Variants in VPS13B observed in about 807,000 individuals in gnomAD.
VPS13B encodes intermembrane lipid transfer protein VPS13B.
Under a neutral mutation model 426.4 loss-of-function variants are expected in VPS13B, and 285 were observed. The observed-to-expected ratio is 0.67, with a 90% CI of 0.61 to 0.74. The LOEUF (loss-of-function observed/expected upper bound fraction) is 0.74, where lower values mean the gene tolerates loss of function less well. Ranked by LOEUF, VPS13B falls within the 30% of genes least tolerant of loss-of-function variation. The pLI is 0.00. For synonymous variants in VPS13B, 1,676 were observed against 1,676.4 expected (o/e 1.00, Z 0.01); for missense variants, 4,537 against 4,782.6 (o/e 0.95, Z 1.51).
chr8:99,838,235 C>T (rs1200712633), intron 54 of VPS13B, among the ~76,000 whole-genome samples: 1 of 152,168 alleles, frequency 6.6e-6, no homozygotes, highest in Non-Finnish European at 1.5e-5. Context: ...ACCTGGTGCT[C>T]ATACCCATGA....
Position 99,076,612 on chromosome 8 carries a change from CT to C in VPS13B, c.292-19685del, listed in dbSNP as rs71273161. On this transcript the variant is annotated intron_variant, in intron 3 of 61. Coordinates refer to ENST00000357162, the MANE Select transcript of VPS13B (RefSeq NM_152564.5). Reference sequence around the variant, plus strand: ...ATCCTTTTATAATTAATGACTTTGTCTTTTTTTTTTTTTTTACAGTTTTTCA... The same window carrying C: ...ATCCTTTTATAATTAATGACTTTGTCTTTTTTTTTTTTTTACAGTTTTTCA... 1.2e-3 allele frequency among the ~76,000 whole-genome samples: 171 copies of C among 139,710 alleles called. 2 individuals carry two copies. In the East Asian group the frequency reaches 0.013, roughly 11 times the overall value. 91.7% of individuals were successfully genotyped at this position (139,710 alleles called of 152,430 possible).
At chr8:99,260,954 A>T (rs1427736143) in intron 17 of VPS13B, among the ~76,000 whole-genome samples, 2 of 152,054 alleles carry the variant, frequency 1.3e-5, no homozygotes, top group African/African-American at 4.8e-5. Flanking sequence ...TTTAAAAAAA[A>T]ACTTAATTTT....
intron 6 of VPS13B, among the ~76,000 whole-genome samples, chr8:99,112,908 CATAA>C (rs1448724194): frequency 1.3e-5 from 2 of 152,110 alleles, no homozygotes; most frequent in African/African-American, 2.4e-5. Context: ...AGTCCCTTAT[CATAA>C]ATAAACTTGT....
intron 19 of VPS13B, among the ~76,000 whole-genome samples, chr8:99,276,268 G>A (rs1818890330): frequency 6.6e-6 from 1 of 152,096 alleles, no homozygotes; most frequent in Admixed American, 6.6e-5. Flanking sequence ...CTGGAAATTA[G>A]TATTTGAAAG....
chr8:99,715,570 A>T (rs1005668574), intron 36 of VPS13B, among the ~76,000 whole-genome samples: 1 of 152,230 alleles, frequency 6.6e-6, no homozygotes, highest in Non-Finnish European at 1.5e-5. Context: ...ACCATTAAAT[A>T]AGATAAGCAA....
intron 17 of VPS13B, among the ~76,000 whole-genome samples, chr8:99,270,131 CTTTTTTTTTTTTTT>C (rs71273170): frequency 3.3e-5 from 1 of 30,312 alleles, no homozygotes; most frequent in East Asian, 1.2e-3. Context: ...ATATAAGAAT[CTTTTTTTTTTTTTT>C]TTTTTTTTTT....
chr8:99,041,865 A>AG (rs1171106731), intron 3 of VPS13B, among the ~76,000 whole-genome samples: 1 of 152,046 alleles, frequency 6.6e-6, no homozygotes, highest in Non-Finnish European at 1.5e-5. Context: ...AAAAAAAAAA[A>AG]AAAACTTCTT....
At chr8:99,471,126 C>T (rs989236784) in intron 24 of VPS13B, among the ~76,000 whole-genome samples, 6 of 151,986 alleles carry the variant, frequency 3.9e-5, no homozygotes, top group African/African-American at 1.2e-4. Flanking sequence ...TCACCAGCTG[C>T]TCTATTCTAC....
chr8:99,113,370 T>A lies in VPS13B; in HGVS notation c.762+2091T>A, dbSNP rs190727690. On this transcript the variant is annotated intron_variant, in intron 6 of 61. Coordinates refer to ENST00000357162, the MANE Select transcript of VPS13B (RefSeq NM_152564.5). The stretch of plus-strand genomic sequence containing the variant: ...CTCTTGTCTAGGCCTCCCAAAGTGC[T>A]GGGATTCCTGGCATGAGCCACCATG... Among the ~76,000 whole-genome samples, 431 of 152,304 alleles carry A rather than the reference T, an allele frequency of 2.8e-3. 1 individual carries two copies. The highest frequency in any genetic ancestry group is 9.8e-3 in the African/African-American group (409 of 41,560).
chr8:99,199,428 C>G (rs949632004), intron 17 of VPS13B, among the ~76,000 whole-genome samples: 1 of 152,150 alleles, frequency 6.6e-6, no homozygotes, highest in Non-Finnish European at 1.5e-5. Flanking sequence ...GCCTCGGCCT[C>G]CCAAAGTGCT....
chr8:99,057,281 G>A (rs1455891925), intron 3 of VPS13B, among the ~76,000 whole-genome samples: 5 of 151,748 alleles, frequency 3.3e-5, no homozygotes, highest in East Asian at 3.9e-4. Context: ...CCATGATGCC[G>A]TTGTAAGCAC....
chr8:99,130,308 T>C (rs1809707985), intron 8 of VPS13B, among the ~76,000 whole-genome samples: 1 of 152,028 alleles, frequency 6.6e-6, no homozygotes, highest in Non-Finnish European at 1.5e-5. Flanking sequence ...GCAGTTGATA[T>C]CAGTCCAGCA....
intron 2 of VPS13B, among the ~76,000 whole-genome samples, chr8:99,037,124 T>A (rs1311391610): frequency 1.3e-5 from 2 of 152,194 alleles, no homozygotes; most frequent in Non-Finnish European, 2.9e-5. Flanking sequence ...TTACAGGCAC[T>A]GATCAATATA....
intron 17 of VPS13B, among the ~76,000 whole-genome samples, chr8:99,203,633 T>C (rs1344600800): frequency 1.3e-5 from 2 of 152,126 alleles, no homozygotes; most frequent in African/African-American, 4.8e-5. Context: ...CAGCCCAAAA[T>C]CTCCTTAAGC....
At chr8:99,631,978 C>T (rs1023928621) in intron 33 of VPS13B, among the ~76,000 whole-genome samples, 14 of 151,662 alleles carry the variant, frequency 9.2e-5, no homozygotes, top group Non-Finnish European at 1.9e-4. Flanking sequence ...TAGCTAAAGC[C>T]CAGCAGCACA....
At chr8:99,173,410 G>A (rs944622809) in intron 16 of VPS13B, among the ~76,000 whole-genome samples, 1 of 152,030 alleles carries the variant, frequency 6.6e-6, no homozygotes, top group African/African-American at 2.4e-5. Flanking sequence ...AAAAAAAATT[G>A]CCAGTAATAC....
chr8:99,662,603 C>T (rs960020491), intron 35 of VPS13B, among the ~76,000 whole-genome samples: 13 of 152,050 alleles, frequency 8.5e-5, no homozygotes, highest in Admixed American at 5.9e-4. Flanking sequence ...TGTGCCACCA[C>T]GCCCAACTAG....
Position 99,458,650 on chromosome 8 carries a change from T to C in VPS13B, c.3446-8764T>C, listed in dbSNP as rs538336230. ...ATGGTATCTCATTGTGGTTTTGATTTGCACTTCTCTGATGGCCAGTGATGA... is the reference window on the plus strand; with the variant it reads ...ATGGTATCTCATTGTGGTTTTGATTCGCACTTCTCTGATGGCCAGTGATGA... On this transcript the variant is annotated intron_variant, in intron 23 of 61. Coordinates refer to ENST00000357162, the MANE Select transcript of VPS13B (RefSeq NM_152564.5). Among the ~76,000 whole-genome samples the C allele has an allele frequency of 4.1e-3, 623 of 152,360 alleles. 3 individuals are homozygous for C. The highest frequency in any genetic ancestry group is 0.014 in the African/African-American group (579 of 41,580).
intron 19 of VPS13B, among the ~76,000 whole-genome samples, chr8:99,318,611 C>T (rs1435791540): frequency 6.6e-6 from 1 of 152,146 alleles, no homozygotes; most frequent in Non-Finnish European, 1.5e-5. Flanking sequence ...CCTCCACCTC[C>T]TGGGTTCAAG....
Sources: allele counts gnomAD v4.1 joint callset (sites outside exome capture counted in the v4.1 genomes callset), GRCh38; gene constraint gnomAD v4.1.1; transcripts MANE v1.5; gene names NCBI Gene and HGNC (gene_info 2026-07-23, HGNC 2026-07-21).